C4orf17: variants seen among roughly 807,000 people sequenced by gnomAD.
C4orf17 encodes chromosome 4 open reading frame 17.
In C4orf17, 25 loss-of-function variants were observed where a neutral mutation model predicts 32.0. That is an observed-to-expected ratio of 0.78 (90% CI 0.57 to 1.09). C4orf17 has a LOEUF of 1.09. Among genes scored for constraint, C4orf17 ranks in the 50% least tolerant of loss-of-function variants. C4orf17 has a pLI of 0.00. For synonymous variants in C4orf17, 149 were observed against 145.8 expected (o/e 1.02, Z -0.16); for missense variants, 420 against 420.0 (o/e 1.00, Z 0.00).
intron 4 of C4orf17, 47 bp downstream of exon 4, chr4:99,524,632 A>C: frequency 8.4e-7 from 1 of 1,183,688 alleles, no homozygotes; most frequent in Non-Finnish European, 1.2e-6. Flanking sequence ...GACTTCTATA[A>C]GTTCCTCTCC....
chr4:99,515,637 A>G (rs1458679891), intron 2 of C4orf17, among the ~76,000 whole-genome samples: 1 of 152,136 alleles, frequency 6.6e-6, no homozygotes, highest in East Asian at 1.9e-4. Context: ...CTGTACAACA[A>G]GCCCCCATGA....
At chr4:99,520,431 T>C (rs1723267223) in intron 2 of C4orf17, among the ~76,000 whole-genome samples, 1 of 152,248 alleles carries the variant, frequency 6.6e-6, no homozygotes. Flanking sequence ...CTTTTTTTCC[T>C]ATGAAAAACA....
In C4orf17 at chr4:99,528,195, T is replaced by C. The variant is rs1578192386; in HGVS notation, c.403-1620T>C. Among the ~76,000 whole-genome samples, 3 of 146,866 alleles carry C rather than the reference T, an allele frequency of 2.0e-5. No individual in the cohort carries two copies. In the South Asian group the frequency reaches 6.9e-4, roughly 34 times the overall value. On this transcript the variant is annotated intron_variant, in intron 4 of 8. Coordinates refer to ENST00000326581, the MANE Select transcript of C4orf17 (RefSeq NM_032149.3). ...TATTAGTTGTGTTAACTTGTGTCTT[T>C]GTTTTTCTCAATTAAAAGAAGTTTA...
intron 6 of C4orf17, among the ~76,000 whole-genome samples, chr4:99,538,167 C>T (rs189113893): frequency 1.3e-5 from 2 of 152,348 alleles, no homozygotes; most frequent in African/African-American, 4.8e-5. Context: ...CCTGTAACAG[C>T]TCTGCCATTT....
chr4:99,522,736 GTTTCCTTATGCCTCCTGCAAACAA>G (rs770726708), intron 3 of C4orf17, 27 bp downstream of exon 3: 1 of 1,565,314 alleles, frequency 6.4e-7, no homozygotes, highest in Non-Finnish European at 8.8e-7. Flanking sequence ...CTGATGAAAT[GTTTCCTTATGCCTCCTGCAAACAA>G]GGCTGTGGGG....
At chr4:99,517,935 G>C (rs1323844577) in intron 2 of C4orf17, among the ~76,000 whole-genome samples, 3 of 152,132 alleles carry the variant, frequency 2.0e-5, no homozygotes, top group Non-Finnish European at 4.4e-5. Flanking sequence ...TCAAAAGCAA[G>C]GTCCCCCAAC....
At chr4:99,522,350 T>C in intron 2 of C4orf17, 150 bp from the exon 3 acceptor site, 1 of 642,520 alleles carries the variant, frequency 1.6e-6, no homozygotes, top group Non-Finnish European at 2.6e-6. Context: ...TAATACAATT[T>C]TTTTTTTTGG....
At chr4:99,526,655 T>TC (rs933927202) in intron 4 of C4orf17, among the ~76,000 whole-genome samples, 7 of 151,468 alleles carry the variant, frequency 4.6e-5, no homozygotes, top group South Asian at 2.1e-4. Flanking sequence ...TCTTTTCTTT[T>TC]TTTTTTTTTT....
At chr4:99,516,885 T>C (rs1723196574) in intron 2 of C4orf17, among the ~76,000 whole-genome samples, 1 of 152,214 alleles carries the variant, frequency 6.6e-6, no homozygotes, top group Admixed American at 6.5e-5. Context: ...CGTGGCCTTT[T>C]CATCCACCAT....
intron 6 of C4orf17, 53 bp downstream of exon 6, chr4:99,537,803 C>G: frequency 8.0e-7 from 1 of 1,257,134 alleles, no homozygotes; most frequent in Non-Finnish European, 1.2e-6. Context: ...TTGTCAGAAA[C>G]TGGGAATATG....
chr4:99,517,224 C>T (rs1222836290), intron 2 of C4orf17, among the ~76,000 whole-genome samples: 1 of 152,144 alleles, frequency 6.6e-6, no homozygotes, highest in South Asian at 2.1e-4. Context: ...CAGCACACGG[C>T]AGGTCTCATG....
intron 2 of C4orf17, 125 bp from the exon 3 acceptor site, chr4:99,522,375 A>G: frequency 1.3e-6 from 1 of 753,496 alleles, no homozygotes; most frequent in South Asian, 1.9e-5. Flanking sequence ...TACAATTTGA[A>G]GTTCAACATT....
At position 99,540,448 on chromosome 4, in the gene C4orf17, A is replaced by G. The variant is rs1415141105; in HGVS notation, c.873A>G (p.Val291=). The change falls in exon 8 of 9, where the codon GTA becomes GTG. Residue 291 remains valine, a synonymous_variant. Transcript: ENST00000326581. ...SSQGSEENKE[V]PKEAEHKPPL... is the part of the protein sequence containing the mutation. ...AAGGATCTGAAGAAAACAAGGAAGTACCAAAAGGTTAAGTACAGTTTTTGG... is the reference window on the plus strand; with the variant it reads ...AAGGATCTGAAGAAAACAAGGAAGTGCCAAAAGGTTAAGTACAGTTTTTGG... 1 of 1,610,654 alleles carries G rather than the reference A, an allele frequency of 6.2e-7. No individual in the cohort carries two copies. The highest frequency in any genetic ancestry group is 1.1e-5 in the South Asian group (1 of 90,912).
rs1723612208 is a variant in C4orf17, at chr4:99,539,169, A to C, written c.635A>C (p.Glu212Ala). 4.3e-6 allele frequency: 7 copies of C among 1,613,804 alleles called. No individual in the cohort carries two copies. Among genetic ancestry groups the C allele is most frequent in the Non-Finnish European group, 5.9e-6 (7 of 1,179,712 alleles). ...WLLHATSKEK[E>A]WVSALIHSEL... ...TTTTTGTCTTTTAAACCAGAAAAAG[A>C]GTGGGTCTCAGCTTTGATTCATTCT... is the stretch of plus-strand genomic sequence containing the variant. The change falls in exon 7 of 9, where the codon GAG (glutamate) becomes GCG (alanine). Residue 212 changes from glutamate (E) to alanine (A), a missense_variant. By Grantham distance (107) the Glu-to-Ala change is moderately radical. Coordinates refer to ENST00000326581, the MANE Select transcript of C4orf17 (RefSeq NM_032149.3).
chr4:99,524,629 A>G lies in C4orf17; in HGVS notation c.402+44A>G, dbSNP rs7697177. ...CTGCTATCTATTTAGTTTGACTTCTATAAGTTCCTCTCCTTTTCTTTACAT... is the reference window on the plus strand; with the variant it reads ...CTGCTATCTATTTAGTTTGACTTCTGTAAGTTCCTCTCCTTTTCTTTACAT... On this transcript the variant is annotated intron_variant, in intron 4 of 8. Coordinates refer to ENST00000326581, the MANE Select transcript of C4orf17 (RefSeq NM_032149.3). 0.053 allele frequency: 63,998 copies of G among 1,208,300 alleles called. 3,192 individuals are homozygous for G. The highest frequency in any genetic ancestry group is 0.21 in the East Asian group (8,818 of 42,062). The allele number at this position is 1,208,300 out of a possible 1,614,324, so 74.8% of individuals were successfully genotyped here.
At chr4:99,539,407 A>G (rs1166308955) in intron 7 of C4orf17, 37 bp downstream of exon 7, 3 of 1,474,970 alleles carry the variant, frequency 2.0e-6, no homozygotes, top group Admixed American at 3.4e-5. Context: ...GGGAGGGCCT[A>G]TGGCACATGA....
chr4:99,540,724 C>A, intron 8 of C4orf17: 1 of 290,392 alleles, frequency 3.4e-6, no homozygotes, highest in Non-Finnish European at 6.4e-6. Context: ...TTGGTTATAG[C>A]AATTCAGTGA....
chr4:99,531,079 A>G (rs1360128862), intron 5 of C4orf17, among the ~76,000 whole-genome samples: 3 of 151,532 alleles, frequency 2.0e-5, no homozygotes, highest in African/African-American at 7.3e-5. Flanking sequence ...TAACCATCCA[A>G]TCTAAAGTAG....
intron 3 of C4orf17, among the ~76,000 whole-genome samples, chr4:99,524,127 C>A (rs906866759): frequency 1.3e-5 from 2 of 151,716 alleles, no homozygotes; most frequent in Non-Finnish European, 2.9e-5. Context: ...CTACAGGCGC[C>A]CGCCACCACG....
Sources: gnomAD v4.1 joint callset for allele counts (sites outside exome capture counted in the v4.1 genomes callset) on GRCh38, gnomAD v4.1.1 for gene constraint, MANE v1.5 for transcripts, NCBI Gene and HGNC (gene_info 2026-07-23, HGNC 2026-07-21) for gene names.